Variants in ACACA observed in about 807,000 individuals in gnomAD.
ACACA encodes acetyl-CoA carboxylase 1.
A neutral mutation model predicts 296.1 loss-of-function variants in ACACA; 103 were observed. That is an observed-to-expected ratio of 0.35 (90% CI 0.30 to 0.41). The LOEUF is 0.41. Among genes scored for constraint, ACACA ranks in the 10% least tolerant of loss-of-function variants. The probability of loss-of-function intolerance (pLI) is 1.00; values close to 1 mark genes in which losing one functional copy is unlikely to be tolerated. For missense variants in ACACA, 1,554 were observed against 2,989.7 expected, an observed-to-expected ratio of 0.52 and a Z score of 11.20; for synonymous variants, 953 against 1,038.6, an observed-to-expected ratio of 0.92 and a Z score of 1.58.
intron 55 of ACACA, 138 bp downstream of exon 55, chr17:37,088,800 C>T (rs775360639): frequency 3.4e-6 from 4 of 1,184,712 alleles, no homozygotes; most frequent in South Asian, 1.2e-5. Context: ...ACCTGTGGGT[C>T]AACTACAGCT....
At chr17:37,122,815 T>C in intron 48 of ACACA, 188 bp from the exon 49 acceptor site, 1 of 671,032 alleles carries the variant, frequency 1.5e-6, no homozygotes, top group South Asian at 1.6e-5. Context: ...CTAAATATGG[T>C]GGGAAACCAC....
intron 1 of ACACA, chr17:37,391,816 T>A: frequency 8.9e-7 from 1 of 1,124,500 alleles, no homozygotes. Flanking sequence ...CACTTGTATC[T>A]TCAGCAGGGA....
intron 3 of ACACA, among the ~76,000 whole-genome samples, chr17:37,295,096 T>C (rs1032410749): frequency 6.6e-6 from 1 of 152,166 alleles, no homozygotes; most frequent in African/African-American, 2.4e-5. Context: ...GAATTTAGCA[T>C]GAGAAAACAA....
At chr17:37,326,667 C>A (rs957984181) in intron 3 of ACACA, among the ~76,000 whole-genome samples, 1 of 151,630 alleles carries the variant, frequency 6.6e-6, no homozygotes, top group Non-Finnish European at 1.5e-5. Context: ...CCTGTCTCTA[C>A]TAAAAATACA....
intron 45 of ACACA, among the ~76,000 whole-genome samples, chr17:37,148,505 AATGG>A (rs953662034): frequency 2.6e-5 from 4 of 152,190 alleles, no homozygotes; most frequent in Non-Finnish European, 4.4e-5. Context: ...TAATTAAACC[AATGG>A]AATTATCAAC....
At chr17:37,297,456 A>AC (rs2083400252) in intron 3 of ACACA, among the ~76,000 whole-genome samples, 1 of 151,238 alleles carries the variant, frequency 6.6e-6, no homozygotes, top group African/African-American at 2.4e-5. Context: ...GAAAAAAAAA[A>AC]AAAACCACAC....
At chr17:37,123,162 G>A (rs2074607777) in intron 48 of ACACA, among the ~76,000 whole-genome samples, 1 of 152,168 alleles carries the variant, frequency 6.6e-6, no homozygotes. Flanking sequence ...TAGGTGTGTG[G>A]ATAGGGAGTA....
intron 1 of ACACA, chr17:37,388,702 T>C: frequency 6.2e-7 from 1 of 1,612,020 alleles, no homozygotes; most frequent in Non-Finnish European, 8.5e-7. Context: ...GAGACAGAAA[T>C]GGAGTATTGT....
At chr17:37,186,896 G>GA (rs796067755) in intron 39 of ACACA, among the ~76,000 whole-genome samples, 1,729 of 123,924 alleles carry the variant, frequency 0.014, 27 homozygotes, top group African/African-American at 0.04. Context: ...TAAAGGAAAG[G>GA]AAAAAAAAAA....
At chr17:37,115,726 A>AGT (rs1266884217) in intron 50 of ACACA, among the ~76,000 whole-genome samples, 1 of 152,008 alleles carries the variant, frequency 6.6e-6, no homozygotes, top group Non-Finnish European at 1.5e-5. Context: ...AATGAAGATG[A>AGT]GTGTGTGTGT....
At chr17:37,368,740 A>C (rs1046117103) in intron 1 of ACACA, 2 of 152,142 alleles carry the variant, frequency 1.3e-5, no homozygotes, top group African/African-American at 4.8e-5. Context: ...TCTGAGTACC[A>C]ACCAAAGGGC....
Position 37,126,171 on chromosome 17 carries a change from T to A in ACACA, c.5945-377A>T, listed in dbSNP as rs538973558. On this transcript the variant is annotated intron_variant, in intron 47 of 55. Coordinates refer to ENST00000616317, the MANE Select transcript of ACACA (RefSeq NM_198834.3). Reference sequence around the variant, plus strand: ...GATATTTTCAAAATGTCTATTTCTATTTTAAAACTTGCCTTACAATTTTGT... The same window carrying A: ...GATATTTTCAAAATGTCTATTTCTAATTTAAAACTTGCCTTACAATTTTGT... Among the ~76,000 whole-genome samples the A allele has an allele frequency of 3.9e-5, 6 of 152,374 alleles. No homozygotes were observed. In the East Asian group the frequency reaches 1.2e-3, roughly 29 times the overall value.
rs3049528 is a variant in ACACA at position 37,405,855 on chromosome 17, C to CTTTT, written c.38+403_38+406dup. 6.0e-4 allele frequency among the ~76,000 whole-genome samples: 32 copies of CTTTT among 53,522 alleles called. 1 individual carries two copies. Among genetic ancestry groups the CTTTT allele is most frequent in the East Asian group, 3.1e-3 (7 of 2,226 alleles). 35.1% of individuals were successfully genotyped at this position (53,522 alleles called of 152,430 possible). A position where few individuals can be genotyped will look rare whatever the true frequency, so the allele number is the denominator to read the frequency against. Reference sequence around the variant, plus strand: ...GCGTGAGCCACCGCGCCCGGCAGGGCTTTTTTTTTTTTTTTTTTTTGGAAT... The same window carrying CTTTT: ...GCGTGAGCCACCGCGCCCGGCAGGGCTTTTTTTTTTTTTTTTTTTTTTTTGGAAT... On this transcript the variant is annotated intron_variant, in intron 1 of 55. Transcript: ENST00000616317.
At chr17:37,246,711 G>A (rs2080723100) in intron 19 of ACACA, 115 bp downstream of exon 19, 3 of 1,396,336 alleles carry the variant, frequency 2.1e-6, no homozygotes, top group Non-Finnish European at 3.0e-6. Context: ...AGGATTACAG[G>A]CACAAGCCAC....
chr17:37,341,089 C>T (rs987299190), intron 1 of ACACA, among the ~76,000 whole-genome samples: 3 of 151,916 alleles, frequency 2.0e-5, no homozygotes, highest in East Asian at 1.9e-4. Context: ...AATAAATTAA[C>T]GAATTTAATT....
rs766119980 is a variant in ACACA at position 37,248,073 on chromosome 17, A to G, written c.2247T>C (p.Gly749=). Residue 749 remains glycine, a synonymous_variant, in exon 18 of 56, where the codon GGT becomes GGC. Transcript: ENST00000616317. Reference sequence around the variant, plus strand: ...TGCCATCATAGGACAAGAGCAGTCCACCGTCACTCAGCCGATGTACATCTA... The same window carrying G: ...TGCCATCATAGGACAAGAGCAGTCCGCCGTCACTCAGCCGATGTACATCTA... ...VEVDVHRLSD[G]GLLLSYDGSS... 3.7e-6 allele frequency: 6 copies of G among 1,614,056 alleles called. No individual in the cohort carries two copies. Among genetic ancestry groups the G allele is most frequent in the Non-Finnish European group, 5.1e-6 (6 of 1,180,036 alleles).
At chr17:37,353,723 A>T (rs1237948309) in intron 1 of ACACA, among the ~76,000 whole-genome samples, 1 of 151,724 alleles carries the variant, frequency 6.6e-6, no homozygotes, top group Non-Finnish European at 1.5e-5. Context: ...CAAAGGGGAT[A>T]ACCAAATATT....
At chr17:37,367,400 A>C (rs908460562) in intron 1 of ACACA, among the ~76,000 whole-genome samples, 142 of 152,272 alleles carry the variant, frequency 9.3e-4, no homozygotes, top group African/African-American at 3.2e-3. Context: ...GTCAGTCTCA[A>C]GAGCGGCAGC....
intron 48 of ACACA, among the ~76,000 whole-genome samples, chr17:37,124,236 C>G (rs142303942): frequency 6.6e-6 from 1 of 152,276 alleles, no homozygotes; most frequent in East Asian, 1.9e-4. Context: ...GAGTAAGAAG[C>G]CCAGAACTCG....
Sources: allele counts gnomAD v4.1 joint callset (sites outside exome capture counted in the v4.1 genomes callset), GRCh38; gene constraint gnomAD v4.1.1; transcripts MANE v1.5; gene names NCBI Gene and HGNC (gene_info 2026-07-23, HGNC 2026-07-21).